The following CD2AP variants were observed in gnomAD, a reference collection of about 807,000 sequenced individuals.
CD2AP encodes CD2-associated protein.
CD2AP carries 46 observed loss-of-function variants against 85.1 expected under a neutral mutation model. The observed-to-expected ratio is 0.54, with a 90% confidence interval of 0.43 to 0.69. The LOEUF (loss-of-function observed/expected upper bound fraction) is 0.69, where lower values mean the gene tolerates loss of function less well. Ranked by LOEUF, CD2AP falls within the 30% of genes least tolerant of loss-of-function variation. The pLI is 0.00. For missense variants in CD2AP, 769 were observed against 729.5 expected (o/e 1.05, Z -0.62); for synonymous variants, 255 against 252.9 (o/e 1.01, Z -0.08).
At chr6:47,524,930 A>G (rs545943262) in intron 2 of CD2AP, among the ~76,000 whole-genome samples, 2 of 152,286 alleles carry the variant, frequency 1.3e-5, no homozygotes, top group African/African-American at 2.4e-5. Context: ...ATTTCATATT[A>G]AGGACATTTT....
chr6:47,512,731 A>G (rs1302708633), intron 2 of CD2AP, among the ~76,000 whole-genome samples: 1 of 152,244 alleles, frequency 6.6e-6, no homozygotes, highest in African/African-American at 2.4e-5. Flanking sequence ...AGAGAACATT[A>G]CAGATGAGAT....
intron 1 of CD2AP, among the ~76,000 whole-genome samples, chr6:47,486,204 G>A (rs1439918690): frequency 6.6e-6 from 1 of 152,126 alleles, no homozygotes; most frequent in Non-Finnish European, 1.5e-5. Context: ...AAAAGTTTTG[G>A]TGCCTTGAGT....
intron 11 of CD2AP, among the ~76,000 whole-genome samples, chr6:47,582,790 G>GTTTTTTTTTTTTTTTTTTTT (rs1554181771): frequency 1.2e-5 from 1 of 86,794 alleles, no homozygotes. Context: ...GTTTTTTTTT[G>GTTTTTTTTTTTTTTTTTTTT]TTTTGTTTTT....
intron 5 of CD2AP, among the ~76,000 whole-genome samples, chr6:47,568,080 A>G (rs760984874): frequency 2.6e-4 from 40 of 152,138 alleles, no homozygotes; most frequent in Non-Finnish European, 5.3e-4. Flanking sequence ...CCTAGTGATA[A>G]TGTTATTTGG....
intron 3 of CD2AP, among the ~76,000 whole-genome samples, chr6:47,540,747 T>C (rs896759388): frequency 2.0e-5 from 3 of 152,170 alleles, no homozygotes; most frequent in African/African-American, 7.2e-5. Context: ...TTAAGAGATA[T>C]TAAAATTCAT....
At chr6:47,520,540 TCA>T (rs1056569147) in intron 2 of CD2AP, among the ~76,000 whole-genome samples, 1 of 152,080 alleles carries the variant, frequency 6.6e-6, no homozygotes, top group Non-Finnish European at 1.5e-5. Context: ...TGGTTTGTTT[TCA>T]CCTAGTGTGG....
Position 47,622,026 on chromosome 6 carries a change from T to C in CD2AP, c.1879-2160T>C, listed in dbSNP as rs368446702. On this transcript the variant is annotated intron_variant, in intron 17 of 17. Transcript: ENST00000359314. ...CTTGGGCGGGTCTTGCTGTGGCTGC[T>C]GTTGGGGATGAAGGTGAGATTGCCA... Among the ~76,000 whole-genome samples, 6 of 152,330 alleles carry C rather than the reference T, an allele frequency of 3.9e-5. No individual in the cohort carries two copies. In the East Asian group the frequency reaches 9.6e-4, roughly 24 times the overall value.
At chr6:47,533,434 A>T (rs1317428525) in intron 2 of CD2AP, among the ~76,000 whole-genome samples, 168 bp from the exon 3 acceptor site, 2 of 152,136 alleles carry the variant, frequency 1.3e-5, no homozygotes, top group Admixed American at 1.3e-4. Flanking sequence ...ACTGTTACCA[A>T]AATGTGTTTT....
intron 2 of CD2AP, among the ~76,000 whole-genome samples, chr6:47,520,058 G>C (rs1417427220): frequency 6.6e-6 from 1 of 152,014 alleles, no homozygotes; most frequent in African/African-American, 2.4e-5. Flanking sequence ...TGGAACTAAA[G>C]TGTTGTGTTT....
At chr6:47,493,405 T>C (rs1295726952) in intron 1 of CD2AP, among the ~76,000 whole-genome samples, 2 of 151,950 alleles carry the variant, frequency 1.3e-5, no homozygotes, top group African/African-American at 4.8e-5. Context: ...TTTCTTGCCT[T>C]CATGTTTTCT....
At chr6:47,488,657 C>T (rs903469311) in intron 1 of CD2AP, among the ~76,000 whole-genome samples, 1 of 147,982 alleles carries the variant, frequency 6.8e-6, no homozygotes, top group African/African-American at 2.5e-5. Context: ...TTTACTGAGG[C>T]AGGAGGATTG....
intron 2 of CD2AP, among the ~76,000 whole-genome samples, 182 bp downstream of exon 2, chr6:47,503,622 T>C (rs1359181289): frequency 3.3e-5 from 5 of 152,244 alleles, no homozygotes; most frequent in African/African-American, 1.2e-4. Context: ...TCCTGCTGGA[T>C]AGTAATCCTC....
At chr6:47,624,081 A>G (rs890919352) in intron 17 of CD2AP, 105 bp from the exon 18 acceptor site, 16 of 956,928 alleles carry the variant, frequency 1.7e-5, no homozygotes, top group South Asian at 1.0e-4. Flanking sequence ...CTGGAAAAAA[A>G]GTCTGAAGGC....
chr6:47,513,585 A>G lies in CD2AP; in HGVS notation c.165+10145A>G, dbSNP rs529239937. On this transcript the variant is annotated intron_variant, in intron 2 of 17. Transcript: ENST00000359314. The stretch of plus-strand genomic sequence containing the variant: ...ATGCATGGTGTTTAAGACTGCACAT[A>G]CAGTATTATAGGAGAGACACCTTTA... Among the ~76,000 whole-genome samples, 10 of 152,134 alleles carry G rather than the reference A, an allele frequency of 6.6e-5. No homozygotes were observed. In the South Asian group the frequency reaches 2.1e-3, roughly 32 times the overall value.
At chr6:47,522,948 T>A (rs1766634024) in intron 2 of CD2AP, among the ~76,000 whole-genome samples, 1 of 151,982 alleles carries the variant, frequency 6.6e-6, no homozygotes, top group Non-Finnish European at 1.5e-5. Flanking sequence ...TCTCATTGAT[T>A]TAGAAAAAAA....
intron 4 of CD2AP, among the ~76,000 whole-genome samples, chr6:47,549,130 T>C (rs919309288): frequency 6.6e-6 from 1 of 152,126 alleles, no homozygotes; most frequent in Non-Finnish European, 1.5e-5. Context: ...GCATTCCCTC[T>C]GAGAACTGGA....
At chr6:47,554,001 G>T (rs1436826156) in intron 4 of CD2AP, among the ~76,000 whole-genome samples, 1 of 151,836 alleles carries the variant, frequency 6.6e-6, no homozygotes, top group East Asian at 1.9e-4. Context: ...CTGTCACCTG[G>T]GCTGGAGTCC....
At chr6:47,484,893 C>T (rs1479025407) in intron 1 of CD2AP, among the ~76,000 whole-genome samples, 1 of 152,010 alleles carries the variant, frequency 6.6e-6, no homozygotes, top group East Asian at 1.9e-4. Context: ...ATGTTTTGGT[C>T]AATAATAAAC....
At position 47,544,644 on chromosome 6, in the gene CD2AP, A is replaced by G. The variant is rs764581347; in HGVS notation, c.358A>G (p.Ile120Val). The change falls in exon 4 of 18, where the codon ATT (isoleucine) becomes GTT (valine). Residue 120 changes from isoleucine (I) to valine (V), a missense_variant. By Grantham distance (29) the Ile-to-Val change is conservative. Coordinates refer to ENST00000359314, the MANE Select transcript of CD2AP (RefSeq NM_012120.3). ...KRQCKVLFEY[I>V]PQNEDELELK... ...TCAGTGTAAAGTTCTTTTTGAGTAC[A>G]TTCCACAAAATGAGGATGAACTGGA... 1.5e-5 allele frequency: 24 copies of G among 1,612,806 alleles called. No individual in the cohort carries two copies. In the East Asian group the frequency reaches 5.1e-4, roughly 35 times the overall value.
Sources: gnomAD v4.1 joint callset for allele counts (sites outside exome capture counted in the v4.1 genomes callset) on GRCh38, gnomAD v4.1.1 for gene constraint, MANE v1.5 for transcripts, NCBI Gene and HGNC (gene_info 2026-07-23, HGNC 2026-07-21) for gene names.